The following QRFPR variants were observed in gnomAD, a reference collection of about 807,000 sequenced individuals.
QRFPR encodes pyroglutamylated RF-amide peptide receptor.
Under a neutral mutation model 31.3 loss-of-function variants are expected in QRFPR, and 37 were observed. The ratio of observed to expected loss-of-function variants is 1.18; its 90% CI spans 0.91 to 1.56. The LOEUF (loss-of-function observed/expected upper bound fraction) is 1.56. Among genes scored for constraint, QRFPR ranks in the 40% most tolerant of loss-of-function variants. The pLI is 0.00. For missense variants in QRFPR, 542 were observed against 532.5 expected (o/e 1.02, Z -0.18); for synonymous variants, 197 against 192.0 (o/e 1.03, Z -0.22).
chr4:121,335,585 TG>T (rs1491547199), intron 3 of QRFPR, among the ~76,000 whole-genome samples: 1 of 48,448 alleles, frequency 2.1e-5, no homozygotes, highest in Admixed American at 2.4e-4. Context: ...GGGTGGGGGG[TG>T]GGGCGGGGAG....
intron 1 of QRFPR, among the ~76,000 whole-genome samples, chr4:121,373,009 C>T (rs1726281652): frequency 6.6e-6 from 1 of 152,114 alleles, no homozygotes; most frequent in Admixed American, 6.6e-5. Context: ...CCAGTTATGC[C>T]TAAAACCAGC....
At chr4:121,368,752 T>A (rs985162834) in intron 1 of QRFPR, among the ~76,000 whole-genome samples, 1 of 133,548 alleles carries the variant, frequency 7.5e-6, no homozygotes, top group Admixed American at 7.2e-5. Context: ...GATTTGTCAA[T>A]GCTCACATGG....
intron 1 of QRFPR, among the ~76,000 whole-genome samples, chr4:121,366,796 C>T (rs1275112437): frequency 1.3e-5 from 2 of 150,018 alleles, no homozygotes; most frequent in Non-Finnish European, 3.0e-5. Flanking sequence ...TCCATTTTCT[C>T]ATCTGTAAAA....
chr4:121,357,280 T>C (rs917582327), intron 1 of QRFPR, among the ~76,000 whole-genome samples: 5 of 152,066 alleles, frequency 3.3e-5, no homozygotes, highest in African/African-American at 1.2e-4. Flanking sequence ...ATGATAATGA[T>C]AGCATATTAT....
intron 1 of QRFPR, among the ~76,000 whole-genome samples, chr4:121,342,316 T>C (rs1725558715): frequency 6.6e-6 from 1 of 152,142 alleles, no homozygotes; most frequent in Non-Finnish European, 1.5e-5. Flanking sequence ...CCACTGGCTT[T>C]CCTGGGCATC....
chr4:121,336,919 T>C, intron 2 of QRFPR, 51 bp from the exon 3 acceptor site: 1 of 1,462,852 alleles, frequency 6.8e-7, no homozygotes, highest in Non-Finnish European at 9.6e-7. Context: ...GTAAAACACA[T>C]CCATGCATAA....
intron 1 of QRFPR, among the ~76,000 whole-genome samples, chr4:121,353,994 C>T (rs1302060834): frequency 6.6e-6 from 1 of 151,982 alleles, no homozygotes; most frequent in Non-Finnish European, 1.5e-5. Context: ...GTTCTTGGTA[C>T]CTTTGTCAAA....
At chr4:121,337,397 C>T (rs1026662386) in intron 2 of QRFPR, among the ~76,000 whole-genome samples, 9 of 152,212 alleles carry the variant, frequency 5.9e-5, no homozygotes, top group African/African-American at 1.7e-4. Context: ...TCCTTGTTGT[C>T]TCTACATGCC....
At chr4:121,372,259 G>A (rs901592629) in intron 1 of QRFPR, among the ~76,000 whole-genome samples, 3 of 152,136 alleles carry the variant, frequency 2.0e-5, no homozygotes, top group African/African-American at 4.8e-5. Context: ...TAGGAGTGAC[G>A]ATGGCGCTCC....
intron 1 of QRFPR, among the ~76,000 whole-genome samples, chr4:121,368,954 C>T (rs1726178300): frequency 6.6e-6 from 1 of 151,460 alleles, no homozygotes; most frequent in African/African-American, 2.4e-5. Context: ...ACAACAGGGG[C>T]AAGCTTTGTA....
intron 1 of QRFPR, among the ~76,000 whole-genome samples, chr4:121,341,738 G>C (rs1725546817): frequency 6.6e-6 from 1 of 152,098 alleles, no homozygotes; most frequent in Non-Finnish European, 1.5e-5. Context: ...ACCTCATTAT[G>C]TCTGTACAAA....
At position 121,329,320 on chromosome 4, in the gene QRFPR, C is replaced by T. The variant is rs760775621; in HGVS notation, c.1290G>A (p.Gly430=). 6.3e-7 allele frequency: 1 copy of T among 1,596,664 alleles called. No homozygotes were observed. The highest frequency in any genetic ancestry group is 8.5e-7 in the Non-Finnish European group (1 of 1,171,906). The change falls in exon 6 of 6, where the codon GGG becomes GGA. Residue 430 remains glycine (G), a synonymous_variant. Coordinates refer to ENST00000394427, the MANE Select transcript of QRFPR (RefSeq NM_198179.3). ...ELAENSPLDS[G]H ...TATGAAGATATTGTTATAATTAATG[C>T]CCACTGTCTAAAGGAGAATTCTCAG...
intron 4 of QRFPR, among the ~76,000 whole-genome samples, chr4:121,331,943 G>A (rs545584220): frequency 1.3e-5 from 2 of 152,260 alleles, no homozygotes; most frequent in East Asian, 3.9e-4. Context: ...GTGAGCCGCT[G>A]CACCTGGTCC....
At chr4:121,342,480 C>G (rs1456857489) in intron 1 of QRFPR, among the ~76,000 whole-genome samples, 1 of 152,142 alleles carries the variant, frequency 6.6e-6, no homozygotes, top group African/African-American at 2.4e-5. Context: ...CTCAATGAGG[C>G]TGACCTACTC....
intron 1 of QRFPR, among the ~76,000 whole-genome samples, chr4:121,357,461 C>A (rs1378192307): frequency 6.6e-6 from 1 of 152,096 alleles, no homozygotes; most frequent in Non-Finnish European, 1.5e-5. Context: ...TCAGACCACT[C>A]CCTATCTGCT....
intron 1 of QRFPR, among the ~76,000 whole-genome samples, chr4:121,375,272 C>T (rs549985036): frequency 6.6e-6 from 1 of 152,308 alleles, no homozygotes; most frequent in African/African-American, 2.4e-5. Flanking sequence ...GTGAACATCC[C>T]CTAATCTGAT....
At chr4:121,357,987 G>A (rs528836858) in intron 1 of QRFPR, among the ~76,000 whole-genome samples, 10 of 152,178 alleles carry the variant, frequency 6.6e-5, no homozygotes, top group African/African-American at 1.7e-4. Context: ...AATACAGGCT[G>A]TGCAACATAT....
chr4:121,365,550 A>T (rs1451655231), intron 1 of QRFPR, among the ~76,000 whole-genome samples: 1,124 of 7,842 alleles, frequency 0.14, 104 homozygotes, highest in South Asian at 0.18. Context: ...TATTATATAT[A>T]ATATATAATA....
chr4:121,359,178 T>C (rs1321286781), intron 1 of QRFPR, among the ~76,000 whole-genome samples: 1 of 152,196 alleles, frequency 6.6e-6, no homozygotes, highest in Non-Finnish European at 1.5e-5. Context: ...TTTAAATTGC[T>C]TCATTACCTG....
Sources: gnomAD v4.1 joint callset for allele counts (sites outside exome capture counted in the v4.1 genomes callset) on GRCh38, gnomAD v4.1.1 for gene constraint, MANE v1.5 for transcripts, NCBI Gene and HGNC (gene_info 2026-07-23, HGNC 2026-07-21) for gene names.